SCN7A: variants seen among roughly 807,000 people sequenced by gnomAD.
SCN7A encodes sodium channel protein type 7 subunit alpha.
In SCN7A, 138 loss-of-function variants were observed where a neutral mutation model predicts 155.2. The ratio of observed to expected loss-of-function variants is 0.89; its 90% CI spans 0.77 to 1.02. The LOEUF is 1.02. SCN7A is among the 50% of genes least tolerant of loss of function. SCN7A has a pLI of 0.00. For synonymous variants in SCN7A, 693 were observed against 649.0 expected (o/e 1.07, Z -1.03); for missense variants, 2,058 against 1,986.6 (o/e 1.04, Z -0.68).
intron 20 of SCN7A, among the ~76,000 whole-genome samples, chr2:166,419,824 C>A (rs969198507): frequency 2.0e-5 from 3 of 152,124 alleles, no homozygotes; most frequent in Admixed American, 6.6e-5. Flanking sequence ...TTATATGTTA[C>A]AATTACTATT....
chr2:166,461,286 T>C (rs1273083790), intron 10 of SCN7A, among the ~76,000 whole-genome samples: 1 of 152,136 alleles, frequency 6.6e-6, no homozygotes, highest in Non-Finnish European at 1.5e-5. Flanking sequence ...ATAAAGAATG[T>C]TCTCCTTCAA....
intron 7 of SCN7A, among the ~76,000 whole-genome samples, chr2:166,468,354 A>T (rs1267420289): frequency 5.3e-5 from 8 of 152,090 alleles, no homozygotes; most frequent in Admixed American, 5.2e-4. Flanking sequence ...GCTGTTCTTC[A>T]TCTACAGCAG....
At chr2:166,430,021 G>A (rs938619849) in intron 16 of SCN7A, among the ~76,000 whole-genome samples, 59 of 151,806 alleles carry the variant, frequency 3.9e-4, no homozygotes, top group Admixed American at 1.6e-3. Flanking sequence ...TAAGGATACC[G>A]TAAATCATTC....
chr2:166,410,051 A>C, intron 24 of SCN7A, 116 bp from the exon 25 acceptor site: 1 of 1,239,760 alleles, frequency 8.1e-7, no homozygotes, highest in South Asian at 1.7e-5. Context: ...GTGTGAACCT[A>C]AATTTTTGCC....
In SCN7A at chr2:166,416,768, C is replaced by G. The variant is rs1701385916; in HGVS notation, c.3353G>C (p.Trp1118Ser). 1 of 1,612,784 alleles carries G rather than the reference C, an allele frequency of 6.2e-7. No homozygotes were observed. The highest frequency in any genetic ancestry group is 1.3e-5 in the African/African-American group (1 of 75,010). Residue 1118 changes from tryptophan (W) to serine (S), a missense_variant, in exon 21 of 26, where the codon TGG becomes TCG. Coordinates refer to ENST00000643258, the MANE Select transcript of SCN7A (RefSeq NM_002976.4). The stretch of plus-strand genomic sequence containing the variant: ...ATCAAAGTTCATTTTTGCATTTTCC[C>G]ATAGCATGGATTCGTTAAACAGAAG... ...ESLLFNESML[W>S]ENAKMNFDNV...
chr2:166,473,010 G>T (rs1406256613), intron 5 of SCN7A, among the ~76,000 whole-genome samples: 1 of 151,612 alleles, frequency 6.6e-6, no homozygotes, highest in African/African-American at 2.4e-5. Flanking sequence ...CAGACACTGG[G>T]GCCTTTTGGA....
At chr2:166,485,544 A>T (rs1703027972) in intron 2 of SCN7A, among the ~76,000 whole-genome samples, 1 of 152,164 alleles carries the variant, frequency 6.6e-6, no homozygotes, top group East Asian at 1.9e-4. Context: ...AATCACTGGG[A>T]ATAAGATCTT....
chr2:166,429,137 G>T, intron 17 of SCN7A, 32 bp downstream of exon 17: 2 of 1,255,132 alleles, frequency 1.6e-6, no homozygotes, highest in Non-Finnish European at 2.2e-6. Flanking sequence ...ATTCAAATTA[G>T]TTTCCTAGCA....
At chr2:166,414,229 T>TA (rs1406336313) in intron 21 of SCN7A, among the ~76,000 whole-genome samples, 1,738 of 86,446 alleles carry the variant, frequency 0.02, 331 homozygotes, top group Non-Finnish European at 0.027. Flanking sequence ...TATAAATATA[T>TA]ATATCTATAT....
At chr2:166,490,995 A>C (rs1683087314) in intron 1 of SCN7A, among the ~76,000 whole-genome samples, 1 of 152,208 alleles carries the variant, frequency 6.6e-6, no homozygotes, top group African/African-American at 2.4e-5. Flanking sequence ...GGCCAGAGAA[A>C]GAGAGTAGAT....
At chr2:166,489,109 A>G (rs893130442) in intron 1 of SCN7A, among the ~76,000 whole-genome samples, 9 of 152,218 alleles carry the variant, frequency 5.9e-5, no homozygotes, top group Admixed American at 5.9e-4. Flanking sequence ...AATAACAAAA[A>G]TTCTAGTATA....
At position 166,409,935 on chromosome 2, in the gene SCN7A, T is replaced by C; in HGVS notation, c.3712A>G (p.Asn1238Asp). Residue 1238 changes from asparagine (N) to aspartate (D), a missense_variant and splice_region_variant, in exon 25 of 26, where the codon AAC becomes GAC. By Grantham distance (23) the Asn-to-Asp change is conservative. Transcript: ENST00000643258. ...TCAAAGATGAATCCTTGGAGCTTGT[T>C]CTGTGGGTAAAATCAACAGGTGTAA... ...DSQRPVPRPL[N>D]KLQGFIFDVV... is the part of the protein sequence containing the mutation. 2 of 1,556,874 alleles carry C rather than the reference T, an allele frequency of 1.3e-6. No individual in the cohort carries two copies. Among genetic ancestry groups the C allele is most frequent in the South Asian group, 2.4e-5 (2 of 83,408 alleles).
Position 166,472,415 on chromosome 2 carries a change from T to C in SCN7A, c.474A>G (p.Glu158=). The change falls in exon 6 of 26, where the codon GAA becomes GAG. Residue 158 remains glutamate (E), a synonymous_variant. Transcript: ENST00000643258. ...CTCTTGCAAAGAGTTTTACAAGTAT[T>C]TCAAATGTGTAAATTCCAAGCAAAG... The part of the protein sequence containing the change: ...ENTLLGIYTF[E]ILVKLFARGV... The C allele has an allele frequency of 1.9e-6, 3 of 1,605,546 alleles. No individual in the cohort carries two copies. Among genetic ancestry groups the C allele is most frequent in the Non-Finnish European group, 2.6e-6 (3 of 1,174,612 alleles).
At chr2:166,463,917 G>T (rs1702467212) in intron 9 of SCN7A, among the ~76,000 whole-genome samples, 1 of 151,946 alleles carries the variant, frequency 6.6e-6, no homozygotes. Flanking sequence ...TCAGCCAGTA[G>T]TGGTGGCACA....
intron 2 of SCN7A, among the ~76,000 whole-genome samples, chr2:166,479,278 CATAAG>C (rs370849783): frequency 3.3e-5 from 5 of 152,138 alleles, no homozygotes; most frequent in African/African-American, 1.2e-4. Flanking sequence ...TAAAAGTAAG[CATAAG>C]ATAAGTATTT....
intron 2 of SCN7A, among the ~76,000 whole-genome samples, chr2:166,478,730 T>C (rs760478928): frequency 6.6e-6 from 1 of 152,050 alleles, no homozygotes; most frequent in Non-Finnish European, 1.5e-5. Flanking sequence ...TTTATTTATA[T>C]ATGTCCTTGA....
intron 17 of SCN7A, among the ~76,000 whole-genome samples, 196 bp downstream of exon 17, chr2:166,428,971 TAA>T (rs1701677760): frequency 6.6e-6 from 1 of 152,040 alleles, no homozygotes; most frequent in African/African-American, 2.4e-5. Context: ...GGCCAATATT[TAA>T]GTTACTCATA....
At chr2:166,476,568 T>G (rs1446463497) in intron 3 of SCN7A, among the ~76,000 whole-genome samples, 2 of 152,024 alleles carry the variant, frequency 1.3e-5, no homozygotes, top group African/African-American at 4.8e-5. Context: ...ACTCTCTGTG[T>G]TATTTCATCT....
chr2:166,457,133 TCTC>T, intron 10 of SCN7A, 57 bp from the exon 11 acceptor site: 3 of 1,283,426 alleles, frequency 2.3e-6, no homozygotes, highest in Non-Finnish European at 2.1e-6. Context: ...CTTCCAGGAT[TCTC>T]CTATTTTAAA....
Sources: gnomAD v4.1 joint callset for allele counts (sites outside exome capture counted in the v4.1 genomes callset) on GRCh38, gnomAD v4.1.1 for gene constraint, MANE v1.5 for transcripts, NCBI Gene and HGNC (gene_info 2026-07-23, HGNC 2026-07-21) for gene names.